Variants in PLEKHA5 observed in about 807,000 individuals in gnomAD.
PLEKHA5 encodes the protein pleckstrin homology domain-containing family A member 5.
Under a neutral mutation model 181.9 loss-of-function variants are expected in PLEKHA5, and 55 were observed. That is an observed-to-expected ratio of 0.30 (90% CI 0.24 to 0.38). The LOEUF (loss-of-function observed/expected upper bound fraction) is 0.38. Ranked by LOEUF, PLEKHA5 falls within the 10% of genes least tolerant of loss-of-function variation. PLEKHA5 has a pLI of 1.00. For synonymous variants in PLEKHA5, 535 were observed against 529.4 expected, an observed-to-expected ratio of 1.01 and a Z score of -0.15; for missense variants, 1,432 against 1,549.5, an observed-to-expected ratio of 0.92 and a Z score of 1.27.
intron 5 of PLEKHA5, among the ~76,000 whole-genome samples, chr12:19,256,564 A>ATT (rs2066926301): frequency 2.6e-5 from 4 of 152,192 alleles, no homozygotes; most frequent in African/African-American, 9.7e-5. Flanking sequence ...CCTGTTTGAA[A>ATT]GTAAATTAAA....
chr12:19,372,460 TG>T (rs539193220), intron 31 of PLEKHA5: 43 of 152,042 alleles, frequency 2.8e-4, no homozygotes, highest in Admixed American at 4.6e-4. Context: ...ATTAGTCCTT[TG>T]TTGGATGCAT....
At chr12:19,230,283 A>G (rs2060300336) in intron 3 of PLEKHA5, among the ~76,000 whole-genome samples, 1 of 152,250 alleles carries the variant, frequency 6.6e-6, no homozygotes, top group Admixed American at 6.5e-5. Context: ...TAGACTCAGG[A>G]GCCCAGCTGG....
At chr12:19,140,776 T>A (rs1378712755) in intron 3 of PLEKHA5, among the ~76,000 whole-genome samples, 1 of 152,054 alleles carries the variant, frequency 6.6e-6, no homozygotes, top group Admixed American at 6.5e-5. Flanking sequence ...AGCCAACTAG[T>A]ATAAGCAAAA....
chr12:19,244,996 A>G (rs1446517835), intron 3 of PLEKHA5, among the ~76,000 whole-genome samples: 1 of 152,178 alleles, frequency 6.6e-6, no homozygotes, highest in Non-Finnish European at 1.5e-5. Flanking sequence ...AACCCCACCA[A>G]AAACACATGC....
At chr12:19,288,077 CAAAAA>C (rs9300127) in intron 13 of PLEKHA5, 584 of 185,104 alleles carry the variant, frequency 3.2e-3, no homozygotes, top group South Asian at 4.3e-3. Context: ...GACTCTGTCT[CAAAAA>C]AAAAAAAAAA....
chr12:19,284,254 A>C (rs2152806131), intron 12 of PLEKHA5, among the ~76,000 whole-genome samples: 1 of 152,146 alleles, frequency 6.6e-6, no homozygotes, highest in South Asian at 2.1e-4. Context: ...TTTTTAGTAG[A>C]GATGTGGTTT....
intron 13 of PLEKHA5, among the ~76,000 whole-genome samples, chr12:19,287,859 G>A (rs1388442336): frequency 3.3e-5 from 5 of 151,824 alleles, no homozygotes; most frequent in Admixed American, 2.0e-4. Flanking sequence ...CAGGCGGATC[G>A]CTTGAGGTCA....
At chr12:19,358,123 AT>A in intron 26 of PLEKHA5, 104 bp from the exon 27 acceptor site, 1 of 774,684 alleles carries the variant, frequency 1.3e-6, no homozygotes, top group Non-Finnish European at 2.1e-6. Context: ...TCTTCTTGTG[AT>A]TTTGAAAACA....
intron 16 of PLEKHA5, chr12:19,319,807 C>G: frequency 2.8e-6 from 1 of 359,592 alleles, no homozygotes; most frequent in Non-Finnish European, 5.0e-6. Context: ...ATCTTTTAAC[C>G]AAAATGTACT....
chr12:19,359,002 C>A (rs1228508490), intron 27 of PLEKHA5, among the ~76,000 whole-genome samples: 1 of 152,158 alleles, frequency 6.6e-6, no homozygotes, highest in Non-Finnish European at 1.5e-5. Context: ...TAGCTTCTGT[C>A]TGGTCTTTCC....
chr12:19,258,263 G>A lies in PLEKHA5; in HGVS notation c.537+726G>A, dbSNP rs142474045. Among the ~76,000 whole-genome samples, 621 of 152,120 alleles carry A rather than the reference G, an allele frequency of 4.1e-3. 6 individuals carry two copies. The highest frequency in any genetic ancestry group is 0.014 in the African/African-American group (576 of 41,528). On this transcript the variant is annotated intron_variant, in intron 6 of 31. Transcript: ENST00000429027. ...ATAGAGGCTATTTACTTCCCAGTTTGCAGCTAGGTTTCAGATAAGTGACTG... is the reference window on the plus strand; with the variant it reads ...ATAGAGGCTATTTACTTCCCAGTTTACAGCTAGGTTTCAGATAAGTGACTG...
chr12:19,156,630 G>T (rs967917989), intron 3 of PLEKHA5, among the ~76,000 whole-genome samples: 15 of 151,572 alleles, frequency 9.9e-5, no homozygotes, highest in African/African-American at 3.4e-4. Context: ...GCATGTATTT[G>T]GTATGAACTC....
intron 3 of PLEKHA5, chr12:19,150,212 T>C (rs2040049628): frequency 1.3e-5 from 2 of 152,222 alleles, no homozygotes; most frequent in Admixed American, 6.5e-5. Context: ...CTAACTCCTG[T>C]AGAATAGAGT....
At chr12:19,134,026 T>C (rs924719469) in intron 3 of PLEKHA5, among the ~76,000 whole-genome samples, 1 of 152,066 alleles carries the variant, frequency 6.6e-6, no homozygotes, top group Non-Finnish European at 1.5e-5. Flanking sequence ...GCTCATCTTA[T>C]AAAAACAGAG....
At position 19,253,946 on chromosome 12, in the gene PLEKHA5, T is replaced by C; in HGVS notation, c.234T>C (p.Asn78=). The part of the protein sequence containing the change: ...FEGARYYINH[N]ERKVTCKHPV... The stretch of plus-strand genomic sequence containing the variant: ...TCTTTTTTCCTTTTTTCAGCCATAA[T>C]GAAAGGAAAGTGACCTGCAAACATC... The change falls in exon 4 of 32, where the codon AAT becomes AAC. Residue 78 remains asparagine, a synonymous_variant. Coordinates refer to ENST00000429027, the MANE Select transcript of PLEKHA5 (RefSeq NM_001256470.2). 6.3e-7 allele frequency: 1 copy of C among 1,590,464 alleles called. No homozygotes were observed. The highest frequency in any genetic ancestry group is 8.6e-7 in the Non-Finnish European group (1 of 1,164,902).
rs1374052828 is a variant in PLEKHA5, at chr12:19,376,219, A to G, written c.*700A>G. 1 of 152,470 alleles carries G rather than the reference A, an allele frequency of 6.6e-6. No homozygotes were observed. The highest frequency in any genetic ancestry group is 2.4e-5 in the African/African-American group (1 of 41,414). The allele number at this position is 152,470 out of a possible 1,614,324, so 9.4% of individuals were successfully genotyped here. On this transcript the variant is annotated 3_prime_UTR_variant, in exon 32 of 32. Transcript: ENST00000429027. ...ATATTTCATTGGAATACATGTGTACAGCAATAAGCAGGTTTCCAAATCCGG... is the reference window on the plus strand; with the variant it reads ...ATATTTCATTGGAATACATGTGTACGGCAATAAGCAGGTTTCCAAATCCGG...
At chr12:19,167,068 TC>T (rs2044569319) in intron 3 of PLEKHA5, among the ~76,000 whole-genome samples, 2 of 152,134 alleles carry the variant, frequency 1.3e-5, no homozygotes, top group Non-Finnish European at 2.9e-5. Flanking sequence ...TGCCCCACCT[TC>T]CCCACCTCAT....
chr12:19,285,065 T>C lies in PLEKHA5; in HGVS notation c.1779+1320T>C, dbSNP rs142513554. Among the ~76,000 whole-genome samples, 340 of 152,026 alleles carry C rather than the reference T, an allele frequency of 2.2e-3. 3 individuals are homozygous for C. Among genetic ancestry groups the C allele is most frequent in the African/African-American group, 7.9e-3 (329 of 41,552 alleles). Reference sequence around the variant, plus strand: ...TGATATTTCCATAAATAAGCATTTGTTAAGATTAATAGATTAATCAGGAAT... The same window carrying C: ...TGATATTTCCATAAATAAGCATTTGCTAAGATTAATAGATTAATCAGGAAT... On this transcript the variant is annotated intron_variant, in intron 12 of 31. Transcript: ENST00000429027.
intron 15 of PLEKHA5, chr12:19,303,627 G>A (rs936678933): frequency 1.3e-5 from 2 of 152,006 alleles, no homozygotes; most frequent in Admixed American, 6.6e-5. Context: ...CAACCTCCTG[G>A]GAACGGAGGA....
Sources: allele counts gnomAD v4.1 joint callset (sites outside exome capture counted in the v4.1 genomes callset), GRCh38; gene constraint gnomAD v4.1.1; transcripts MANE v1.5; gene names NCBI Gene and HGNC (gene_info 2026-07-23, HGNC 2026-07-21).